Variants in TRPM8 observed in about 807,000 individuals in gnomAD.
TRPM8 encodes transient receptor potential cation channel subfamily M member 8, also known as TRPM8 cationic channel.
Under a neutral mutation model 133.7 loss-of-function variants are expected in TRPM8, and 110 were observed. The observed-to-expected ratio is 0.82, with a 90% CI of 0.70 to 0.96. TRPM8 has a LOEUF of 0.96. Ranked by LOEUF, TRPM8 falls within the 40% of genes least tolerant of loss-of-function variation. TRPM8 has a pLI of 0.00. For missense variants in TRPM8, 1,291 were observed against 1,379.5 expected (o/e 0.94, Z 1.02); for synonymous variants, 535 against 532.3 (o/e 1.01, Z -0.07).
intron 17 of TRPM8, among the ~76,000 whole-genome samples, chr2:233,971,022 A>C (rs2125227716): frequency 6.6e-6 from 1 of 152,324 alleles, no homozygotes; most frequent in African/African-American, 2.4e-5. Flanking sequence ...TTGAAAAAAT[A>C]AATATTGATG....
chr2:233,924,420 C>T (rs1691471377), intron 1 of TRPM8, among the ~76,000 whole-genome samples: 1 of 152,176 alleles, frequency 6.6e-6, no homozygotes, highest in South Asian at 2.1e-4. Context: ...CTTCCCATAT[C>T]GCTTCTCTTG....
chr2:233,964,639 C>T lies in TRPM8; in HGVS notation c.1761C>T (p.Cys587=). 1.2e-6 allele frequency: 2 copies of T among 1,602,548 alleles called. No individual in the cohort carries two copies. The highest frequency in any genetic ancestry group is 2.2e-5 in the East Asian group (1 of 44,648). Reference sequence around the variant, plus strand: ...ACCCCCCTAAAAAGACCAGGGGCTGCACTCTGGCAGCCCTGGGAGCCAGCA... The same window carrying T: ...ACCCCCCTAAAAAGACCAGGGGCTGTACTCTGGCAGCCCTGGGAGCCAGCA... ...SKVIWEQTRG[C]TLAALGASKL... Residue 587 remains cysteine (C), a synonymous_variant, in exon 14 of 26, where the codon TGC becomes TGT. Coordinates refer to ENST00000324695, the MANE Select transcript of TRPM8 (RefSeq NM_024080.5).
At chr2:233,998,397 GGTGA>G (rs1692461588) in intron 22 of TRPM8, among the ~76,000 whole-genome samples, 1 of 152,198 alleles carries the variant, frequency 6.6e-6, no homozygotes, top group African/African-American at 2.4e-5. Context: ...TAGGGCCTAG[GGTGA>G]CCATCTCGTT....
intron 24 of TRPM8, among the ~76,000 whole-genome samples, chr2:234,014,241 T>G (rs1692906207): frequency 6.6e-6 from 1 of 152,200 alleles, no homozygotes; most frequent in South Asian, 2.1e-4. Context: ...CATAGAACAT[T>G]ATTCTTTTTA....
intron 6 of TRPM8, chr2:233,942,967 A>C: frequency 1.6e-6 from 1 of 610,088 alleles, no homozygotes. Context: ...TTTGTTCATT[A>C]AAATGTGTTC....
intron 17 of TRPM8, 38 bp downstream of exon 17, chr2:233,970,464 T>TGGGCA: frequency 6.4e-7 from 1 of 1,573,624 alleles, no homozygotes; most frequent in Non-Finnish European, 8.7e-7. Context: ...CCTCGCTTCC[T>TGGGCA]CGGTGGGAGG....
At chr2:233,930,179 G>A (rs766850753) in intron 2 of TRPM8, among the ~76,000 whole-genome samples, 2 of 152,140 alleles carry the variant, frequency 1.3e-5, no homozygotes, top group African/African-American at 2.4e-5. Context: ...GAAGCTTTTG[G>A]TTTATAAAGG....
rs111998232 is a variant in TRPM8 at position 234,008,512 on chromosome 2, G to A, written c.3264+409G>A. Among the ~76,000 whole-genome samples, 592 of 152,330 alleles carry A rather than the reference G, an allele frequency of 3.9e-3. 3 individuals carry two copies. The highest frequency in any genetic ancestry group is 0.013 in the African/African-American group (553 of 41,572). On this transcript the variant is annotated intron_variant, in intron 24 of 25. Transcript: ENST00000324695. ...TTTATTTGGAGGGCATTGGAAATGC[G>A]TGAGTACGCATATGAACACCAGGCA...
chr2:233,975,884 AC>A (rs1345326715), intron 17 of TRPM8, among the ~76,000 whole-genome samples: 1 of 151,964 alleles, frequency 6.6e-6, no homozygotes, highest in East Asian at 1.9e-4. Context: ...TCCACCTCAA[AC>A]AAAACAAAAC....
chr2:233,932,910 C>T (rs1691709163), intron 3 of TRPM8, among the ~76,000 whole-genome samples: 1 of 149,142 alleles, frequency 6.7e-6, no homozygotes, highest in African/African-American at 2.5e-5. Flanking sequence ...TTACTTGCCA[C>T]ACTAGATGAC....
rs567242634 is a variant in TRPM8 at position 233,943,365 on chromosome 2, A to G, written c.699+617A>G. On this transcript the variant is annotated intron_variant, in intron 6 of 25. Coordinates refer to ENST00000324695, the MANE Select transcript of TRPM8 (RefSeq NM_024080.5). ...TGGATTAAGAAAATGTGGCACATATACACCATGGAATACTATGCAGCCACA... is the reference window on the plus strand; with the variant it reads ...TGGATTAAGAAAATGTGGCACATATGCACCATGGAATACTATGCAGCCACA... Among the ~76,000 whole-genome samples the G allele has an allele frequency of 3.8e-4, 58 of 152,266 alleles. No individual in the cohort carries two copies. In the South Asian group the frequency reaches 0.012, roughly 30 times the overall value.
chr2:233,947,546 C>A, intron 8 of TRPM8: 1 of 1,295,778 alleles, frequency 7.7e-7, no homozygotes. Flanking sequence ...GTTTCCAGAC[C>A]ACCTAAGGCC....
intron 10 of TRPM8, among the ~76,000 whole-genome samples, chr2:233,954,257 C>T (rs535108416): frequency 6.6e-6 from 1 of 152,096 alleles, no homozygotes; most frequent in South Asian, 2.1e-4. Flanking sequence ...CAAACAAAAT[C>T]GCAGTAGTCT....
intron 11 of TRPM8, among the ~76,000 whole-genome samples, chr2:233,957,819 AACACT>A (rs1391863825): frequency 1.1e-4 from 17 of 152,198 alleles, no homozygotes; most frequent in African/African-American, 4.1e-4. Context: ...GGAATCAGCA[AACACT>A]ACAAATTAGG....
At chr2:233,986,815 A>G (rs1445501600) in intron 21 of TRPM8, among the ~76,000 whole-genome samples, 12 of 152,248 alleles carry the variant, frequency 7.9e-5, no homozygotes, top group Admixed American at 7.8e-4. Context: ...AACTTGTCAG[A>G]GAAAATAAAT....
At chr2:233,995,072 G>A (rs1166962953) in intron 21 of TRPM8, among the ~76,000 whole-genome samples, 1 of 152,194 alleles carries the variant, frequency 6.6e-6, no homozygotes, top group Non-Finnish European at 1.5e-5. Flanking sequence ...CTGTGAGGTG[G>A]TATCATGTAG....
chr2:233,947,146 G>C lies in TRPM8; in HGVS notation c.933G>C (p.Glu311Asp). Residue 311 changes from glutamate (E) to aspartate (D), a missense_variant, in exon 8 of 26, where the codon GAG becomes GAC. Coordinates refer to ENST00000324695, the MANE Select transcript of TRPM8 (RefSeq NM_024080.5). ...IVCFAQGGGK[E>D]TLKAINTSIK... ...GTTTTGCCCAAGGAGGTGGAAAAGA[G>C]ACTTTGAAAGTGAGTCCTGATTTAG... is the stretch of plus-strand genomic sequence containing the variant. 1 of 1,614,050 alleles carries C rather than the reference G, an allele frequency of 6.2e-7. No homozygotes were observed. Among genetic ancestry groups the C allele is most frequent in the Non-Finnish European group, 8.5e-7 (1 of 1,179,914 alleles).
intron 23 of TRPM8, 142 bp downstream of exon 23, chr2:234,007,094 A>G (rs1167403183): frequency 6.6e-6 from 4 of 605,234 alleles, no homozygotes. Context: ...TACCCGGGCA[A>G]TTGAAGATGA....
At chr2:233,918,661 GA>G (rs1428165757) in intron 1 of TRPM8, among the ~76,000 whole-genome samples, 1 of 152,078 alleles carries the variant, frequency 6.6e-6, no homozygotes, top group Non-Finnish European at 1.5e-5. Context: ...TATTCAAACT[GA>G]AAAAAATTTG....
Sources: gnomAD v4.1 joint callset for allele counts (sites outside exome capture counted in the v4.1 genomes callset) on GRCh38, gnomAD v4.1.1 for gene constraint, MANE v1.5 for transcripts, NCBI Gene and HGNC (gene_info 2026-07-23, HGNC 2026-07-21) for gene names.